IGSF9B: variants seen among roughly 807,000 people sequenced by gnomAD.
IGSF9B encodes immunoglobulin superfamily member 9B.
In IGSF9B, 48 loss-of-function variants were observed where a neutral mutation model predicts 143.7. The observed-to-expected ratio is 0.33, with a 90% confidence interval of 0.26 to 0.42. IGSF9B has a LOEUF of 0.42. Ranked by LOEUF, IGSF9B falls within the 20% of genes least tolerant of loss-of-function variation. The pLI, the probability that IGSF9B is intolerant of heterozygous loss-of-function variation, is 1.00. For missense variants in IGSF9B, 1,706 were observed against 1,980.0 expected, an observed-to-expected ratio of 0.86 and a Z score of 2.63; for synonymous variants, 903 against 833.1, an observed-to-expected ratio of 1.08 and a Z score of -1.44.
In IGSF9B at chr11:133,931,076, C is replaced by T. The variant is rs765768154; in HGVS notation, c.1427G>A (p.Arg476His). The change falls in exon 11 of 20, where the codon CGT (arginine) becomes CAT (histidine). Residue 476 changes from arginine (R) to histidine (H), a missense_variant. This residue lies in a region of IGSF9B where 238 missense variants were observed against 452.6 expected (regional missense o/e 0.53). Coordinates refer to ENST00000533871, the MANE Select transcript of IGSF9B (RefSeq NM_001277285.4). This position sits in a 1 kb window ranked among gnomAD's most constrained non-coding sequence, Gnocchi z 7.7. ...SALPSGSLQFRALSKEDHGEW... is the reference protein window; with the variant it reads ...SALPSGSLQFHALSKEDHGEW... The stretch of plus-strand genomic sequence containing the variant: ...CCCGTGGTCCTCCTTACTCAGGGCA[C>T]GGAACTGCAGGCTCCCACTGGGCAG... The T allele has an allele frequency of 5.8e-5, 94 of 1,613,678 alleles. No individual in the cohort carries two copies. Among genetic ancestry groups the T allele is most frequent in the Middle Eastern group, 3.3e-4 (2 of 6,078 alleles).
rs766194153 is a variant in IGSF9B at position 133,944,374 on chromosome 11, A to G, written c.263-8T>C. 2.9e-5 allele frequency: 47 copies of G among 1,612,438 alleles called. No individual in the cohort carries two copies. Among genetic ancestry groups the G allele is most frequent in the Non-Finnish European group, 3.8e-5 (45 of 1,179,748 alleles). ...CATGAAGACTGGCCCGGCCTGGGGGAATAGAGCAGACAAAAGCCCCACAGG... is the reference window on the plus strand; with the variant it reads ...CATGAAGACTGGCCCGGCCTGGGGGGATAGAGCAGACAAAAGCCCCACAGG... On this transcript the variant is annotated splice_polypyrimidine_tract_variant and splice_region_variant and intron_variant, in intron 2 of 19. Coordinates refer to ENST00000533871, the MANE Select transcript of IGSF9B (RefSeq NM_001277285.4).
intron 15 of IGSF9B, 125 bp downstream of exon 15, chr11:133,924,695 A>G: frequency 2.6e-6 from 2 of 764,590 alleles, no homozygotes; most frequent in Middle Eastern, 2.4e-4. Context: ...CGCAGCTGCA[A>G]CCAGGCACTG....
rs193237713 is a variant in IGSF9B, at chr11:133,906,083, G to A, written c.*2986C>T. Among the ~76,000 whole-genome samples the A allele has an allele frequency of 3.3e-5, 5 of 152,346 alleles. No homozygotes were observed. In the East Asian group the frequency reaches 7.7e-4, roughly 24 times the overall value. ...GTGTCTACTGCAAGGCCGCCAGACC[G>A]TAAAAGGGGAAGTTTGGAAGGCGTG... On this transcript the variant is annotated 3_prime_UTR_variant, in exon 20 of 20. Coordinates refer to ENST00000533871, the MANE Select transcript of IGSF9B (RefSeq NM_001277285.4).
chr11:133,920,089 G>T lies in IGSF9B; in HGVS notation c.3636C>A (p.Arg1212=). 6.6e-7 allele frequency: 1 copy of T among 1,525,084 alleles called. No individual in the cohort carries two copies. The highest frequency in any genetic ancestry group is 8.8e-7 in the Non-Finnish European group (1 of 1,137,174). The allele number at this position is 1,525,084 out of a possible 1,614,324, so 94.5% of individuals were successfully genotyped here. The change falls in exon 18 of 20, where the codon CGC becomes CGA. Residue 1212 remains arginine (R), a synonymous_variant. Coordinates refer to ENST00000533871, the MANE Select transcript of IGSF9B (RefSeq NM_001277285.4). ...GGGCGGCGAGCTCAGGGGAGCCGGT[G>T]CGGGAGCTGAGGGGGCTTTGGGTCA... The part of the protein sequence containing the change: ...SPLTQSPLSS[R]TGSPELAARA...
intron 17 of IGSF9B, among the ~76,000 whole-genome samples, chr11:133,921,881 GA>G (rs1443353405): frequency 1.3e-5 from 2 of 152,158 alleles, no homozygotes; most frequent in African/African-American, 4.8e-5. Context: ...GCTAGGGTGG[GA>G]AAACACTAAA....
At chr11:133,939,118 C>T (rs1183147776) in intron 3 of IGSF9B, among the ~76,000 whole-genome samples, 1 of 152,242 alleles carries the variant, frequency 6.6e-6, no homozygotes, top group Non-Finnish European at 1.5e-5. Context: ...TCCCAGCGCA[C>T]TCCAACCACA....
intron 13 of IGSF9B, 134 bp from the exon 14 acceptor site, chr11:133,926,099 G>A (rs975609323): frequency 7.7e-6 from 5 of 652,616 alleles, no homozygotes; most frequent in Non-Finnish European, 1.4e-5. Flanking sequence ...GGGCTTCAGG[G>A]TTCTGCCTTC....
intron 1 of IGSF9B, among the ~76,000 whole-genome samples, chr11:133,950,818 G>T (rs774508111): frequency 1.3e-5 from 2 of 152,124 alleles, no homozygotes; most frequent in African/African-American, 4.8e-5. Context: ...AGCGGGGAAC[G>T]GAGTGAGCAC....
In IGSF9B at chr11:133,922,205, T is replaced by C. The variant is rs748959757; in HGVS notation, c.2299A>G (p.Thr767Ala). 1 of 1,612,796 alleles carries C rather than the reference T, an allele frequency of 6.2e-7. No individual in the cohort carries two copies. The highest frequency in any genetic ancestry group is 8.5e-7 in the Non-Finnish European group (1 of 1,179,468). The change falls in exon 17 of 20, where the codon ACC becomes GCC. Residue 767 changes from threonine (T) to alanine (A), a missense_variant. Around this residue, in one of 7 missense-constraint regions of IGSF9B, gnomAD observed 135 missense variants for 181.3 expected, o/e 0.74. Coordinates refer to ENST00000533871, the MANE Select transcript of IGSF9B (RefSeq NM_001277285.4). ...GACTCCAGGCTCTTCCTGCAGTGGGTGATGGAGAGTGGAGGGTCTGGAAGG... is the reference window on the plus strand; with the variant it reads ...GACTCCAGGCTCTTCCTGCAGTGGGCGATGGAGAGTGGAGGGTCTGGAAGG... ...KRKKDPPLSI[T>A]HCRKSLESPL... is the part of the protein sequence containing the mutation.
In IGSF9B at chr11:133,902,755, G is replaced by A. The variant is rs751010060; in HGVS notation, c.*6314C>T. On this transcript the variant is annotated 3_prime_UTR_variant, in exon 20 of 20. Transcript: ENST00000533871. ...GGCACACCTCTCGTTGTTCATGGGA[G>A]GCCATATAAAACCTCATTGATAGAG... is the stretch of plus-strand genomic sequence containing the variant. Among the ~76,000 whole-genome samples the A allele has an allele frequency of 6.6e-6, 1 of 152,108 alleles. No individual in the cohort carries two copies. The highest frequency in any genetic ancestry group is 1.5e-5 in the Non-Finnish European group (1 of 68,008).
Position 133,920,861 on chromosome 11 carries a change from G to A in IGSF9B, c.2864C>T (p.Pro955Leu). The part of the protein sequence containing the change: ...GRLQATGQAR[P>L]PAPRPFHHGQ... ...ATGGTGGAAGGGCCGGGGGGCAGGG[G>A]GCCGGGCCTGGCCTGTGGCCTGAAG... The change falls in exon 18 of 20, where the codon CCC becomes CTC. Residue 955 changes from proline (P) to leucine (L), a missense_variant. Transcript: ENST00000533871. 1.2e-6 allele frequency: 2 copies of A among 1,600,894 alleles called. No individual in the cohort carries two copies. The highest frequency in any genetic ancestry group is 1.7e-6 in the Non-Finnish European group (2 of 1,173,228).
rs1026795173 is a variant in IGSF9B at position 133,903,103 on chromosome 11, T to G, written c.*5966A>C. ...CACGATCCCTGGAGCCATACAGAAGTGGGGAAAGGAAAAGGGAAGGGAAGC... is the reference window on the plus strand; with the variant it reads ...CACGATCCCTGGAGCCATACAGAAGGGGGGAAAGGAAAAGGGAAGGGAAGC... On this transcript the variant is annotated 3_prime_UTR_variant, in exon 20 of 20. Coordinates refer to ENST00000533871, the MANE Select transcript of IGSF9B (RefSeq NM_001277285.4). 6.9e-6 allele frequency among the ~76,000 whole-genome samples: 1 copy of G among 144,328 alleles called. No homozygotes were observed. Among genetic ancestry groups the G allele is most frequent in the African/African-American group, 2.6e-5 (1 of 38,300 alleles). 94.7% of individuals were successfully genotyped at this position (144,328 alleles called of 152,430 possible). A position where few individuals can be genotyped will look rare whatever the true frequency, so the allele number is the denominator to read the frequency against.
intron 1 of IGSF9B, among the ~76,000 whole-genome samples, chr11:133,954,598 A>G (rs1940217990): frequency 6.6e-6 from 1 of 152,198 alleles, no homozygotes; most frequent in Non-Finnish European, 1.5e-5. Context: ...ACTCATGTCC[A>G]CCTAAAAACC....
intron 1 of IGSF9B, among the ~76,000 whole-genome samples, chr11:133,949,453 GA>G (rs944622550): frequency 9.2e-5 from 14 of 151,978 alleles, no homozygotes; most frequent in African/African-American, 3.1e-4. Flanking sequence ...AGCTCAATAT[GA>G]AAAAAAGTAA....
At chr11:133,940,036 C>A (rs1299600309) in intron 3 of IGSF9B, among the ~76,000 whole-genome samples, 3 of 143,320 alleles carry the variant, frequency 2.1e-5, no homozygotes, top group Non-Finnish European at 4.6e-5. Context: ...AAAACATACA[C>A]CTCGCATGTC....
rs914544920 is a variant in IGSF9B at position 133,897,399 on chromosome 11, T to C, written c.*11670A>G. The C allele has an allele frequency of 7.9e-5, 12 of 152,260 alleles. No homozygotes were observed. The highest frequency in any genetic ancestry group is 2.9e-4 in the African/African-American group (12 of 41,522). 9.4% of individuals were successfully genotyped at this position (152,260 alleles called of 1,614,324 possible). A position where few individuals can be genotyped will look rare whatever the true frequency, so the allele number is the denominator to read the frequency against. ...ACACACGCACAGGTATGCACACATA[T>C]ATATGCAGGTGCGCGCACACACACA... On this transcript the variant is annotated 3_prime_UTR_variant, in exon 20 of 20. Transcript: ENST00000533871.
At chr11:133,939,473 A>G (rs902477076) in intron 3 of IGSF9B, among the ~76,000 whole-genome samples, 7 of 152,266 alleles carry the variant, frequency 4.6e-5, no homozygotes, top group African/African-American at 1.7e-4. Flanking sequence ...AGCTTTTAGC[A>G]TAGTTCCTGG....
Position 133,911,928 on chromosome 11 carries a change from T to C in IGSF9B, c.4063A>G (p.Lys1355Glu), listed in dbSNP as rs937274313. The C allele has an allele frequency of 6.3e-5, 96 of 1,535,046 alleles. No homozygotes were observed. Among genetic ancestry groups the C allele is most frequent in the Non-Finnish European group, 2.6e-6 (3 of 1,146,592 alleles). ...TTCGAAGAGCCCTTGGATGACTTTT[T>C]GGGCTTCTTTATCCGTTGGTATTTC... ...ALKYQRIKKP[K>E]KSSKGSSKSK... Residue 1355 changes from lysine to glutamate, a missense_variant, in exon 19 of 20, where the codon AAA becomes GAA. By Grantham distance (56) the Lys-to-Glu change is moderately conservative (BLOSUM62 1). This residue lies in a region of IGSF9B where 880 missense variants were observed against 762.9 expected (regional missense o/e 1.15). Transcript: ENST00000533871.
chr11:133,935,938 A>T, intron 6 of IGSF9B, 115 bp downstream of exon 6: 1 of 1,415,044 alleles, frequency 7.1e-7, no homozygotes, highest in Non-Finnish European at 9.6e-7. Flanking sequence ...CAGACTGCCC[A>T]CCTCCCCCAG....
Sources: gnomAD v4.1 joint callset for allele counts (sites outside exome capture counted in the v4.1 genomes callset) on GRCh38, gnomAD v4.1.1 for gene constraint, gnomAD v4.1.1 regional missense constraint, Gnocchi (gnomAD v3.1) non-coding constraint, MANE v1.5 for transcripts, NCBI Gene and HGNC (gene_info 2026-07-23, HGNC 2026-07-21) for gene names.